Variants in NECAB2 observed in about 807,000 individuals in gnomAD.
The protein encoded by NECAB2 is N-terminal EF-hand calcium binding protein 2.
NECAB2 carries 68 observed loss-of-function variants against 51.9 expected under a neutral mutation model. That is an observed-to-expected ratio of 1.31 (90% CI 1.08 to 1.60). The LOEUF (loss-of-function observed/expected upper bound fraction) is 1.60, where lower values mean the gene tolerates loss of function less well. Ranked by LOEUF, NECAB2 falls within the 40% of genes most tolerant of loss-of-function variation. NECAB2 has a pLI of 0.00. For synonymous variants in NECAB2, 329 were observed against 203.5 expected, an observed-to-expected ratio of 1.62 and a Z score of -5.25; for missense variants, 854 against 490.3, an observed-to-expected ratio of 1.74 and a Z score of -7.00.
At chr16:83,975,334 G>A (rs2084396908) in intron 2 of NECAB2, among the ~76,000 whole-genome samples, 1 of 151,704 alleles carries the variant, frequency 6.6e-6, no homozygotes, top group Admixed American at 6.6e-5. Flanking sequence ...GTGGGTGCGG[G>A]GATGGGAACA....
At chr16:84,001,160 A>C (rs1567681651) in intron 11 of NECAB2, among the ~76,000 whole-genome samples, 1 of 152,096 alleles carries the variant, frequency 6.6e-6, no homozygotes, top group Non-Finnish European at 1.5e-5. Context: ...CCATGTGATC[A>C]ATTGTTCCAG....
chr16:83,975,701 G>T (rs1459356583), intron 2 of NECAB2, among the ~76,000 whole-genome samples: 1 of 152,150 alleles, frequency 6.6e-6, no homozygotes. Context: ...GTGGCAGAGG[G>T]CTGAGTGGCA....
chr16:83,978,194 G>C (rs1397729604), intron 2 of NECAB2, among the ~76,000 whole-genome samples: 2 of 152,232 alleles, frequency 1.3e-5, no homozygotes, highest in African/African-American at 4.8e-5. Flanking sequence ...CTGGGAATTA[G>C]CTGGATGAGG....
intron 5 of NECAB2, among the ~76,000 whole-genome samples, chr16:83,988,990 G>A (rs1180639367): frequency 6.6e-6 from 1 of 152,190 alleles, no homozygotes; most frequent in African/African-American, 2.4e-5. Flanking sequence ...AAAATAACTT[G>A]TCTTCTTTGG....
chr16:83,985,479 A>G (rs1416523041), intron 5 of NECAB2, among the ~76,000 whole-genome samples: 1 of 151,348 alleles, frequency 6.6e-6, no homozygotes, highest in African/African-American at 2.4e-5. Flanking sequence ...CTAAAAATAC[A>G]AAAATTAGCT....
At chr16:83,977,116 G>A (rs1345571712) in intron 2 of NECAB2, among the ~76,000 whole-genome samples, 1 of 152,204 alleles carries the variant, frequency 6.6e-6, no homozygotes, top group East Asian at 1.9e-4. Context: ...TAATCCATAG[G>A]AAGGTGCCAT....
At chr16:83,996,429 C>G (rs566678666) in intron 8 of NECAB2, among the ~76,000 whole-genome samples, 12 of 152,312 alleles carry the variant, frequency 7.9e-5, no homozygotes, top group African/African-American at 2.9e-4. Flanking sequence ...ACTACACAGA[C>G]TCATCCACCT....
intron 5 of NECAB2, among the ~76,000 whole-genome samples, chr16:83,989,131 T>C (rs984427547): frequency 1.3e-5 from 2 of 152,218 alleles, no homozygotes; most frequent in Non-Finnish European, 2.9e-5. Context: ...TGTTTAAATA[T>C]TTTACCAAGT....
chr16:83,998,504 G>A (rs924634151), intron 10 of NECAB2, among the ~76,000 whole-genome samples, 187 bp downstream of exon 10: 3 of 152,164 alleles, frequency 2.0e-5, no homozygotes, highest in African/African-American at 2.4e-5. Context: ...AAATGTGGCA[G>A]GTGTCTTCAT....
intron 5 of NECAB2, among the ~76,000 whole-genome samples, chr16:83,986,492 T>G (rs140000298): frequency 3.4e-4 from 52 of 152,010 alleles, no homozygotes; most frequent in African/African-American, 1.0e-3. Context: ...CTGTGGAGAG[T>G]GCCAGACAAA....
Position 83,992,727 on chromosome 16 carries a change from A to C in NECAB2, c.597-1575A>C, listed in dbSNP as rs558347597. 6.1e-4 allele frequency among the ~76,000 whole-genome samples: 93 copies of C among 152,292 alleles called. No individual in the cohort carries two copies. The South Asian group carries it at 0.019, about 31-fold the overall frequency. On this transcript the variant is annotated intron_variant, in intron 6 of 12. Transcript: ENST00000305202. ...GCGCTGAATCACCTGGGAAAATTAA[A>C]ATACACATTCCTGGGCTCCTGGCCA...
chr16:83,982,960 C>A (rs1249695855), intron 5 of NECAB2, among the ~76,000 whole-genome samples: 3 of 151,888 alleles, frequency 2.0e-5, no homozygotes, highest in African/African-American at 4.8e-5. Context: ...CCTCTGCCTC[C>A]TGGGTTTGAG....
rs955029761 is a variant in NECAB2 at position 83,998,305 on chromosome 16, G to A, written c.950G>A (p.Arg317Lys). The change falls in exon 10 of 13, where the codon AGG becomes AAG. Residue 317 changes from arginine (R) to lysine (K), a missense_variant. Arg to Lys is a conservative substitution (Grantham distance 26). Coordinates refer to ENST00000305202, the MANE Select transcript of NECAB2 (RefSeq NM_019065.3). ...RQYLRGTTGV[R>K]NCFHITAVRL... Reference sequence around the variant, plus strand: ...TATCTGCGGGGGACCACTGGCGTGAGGAACTGCTTCCAGTGAGTGAGCTGC... The same window carrying A: ...TATCTGCGGGGGACCACTGGCGTGAAGAACTGCTTCCAGTGAGTGAGCTGC... 1.2e-6 allele frequency: 2 copies of A among 1,613,494 alleles called. No individual in the cohort carries two copies. The highest frequency in any genetic ancestry group is 3.3e-5 in the Admixed American group (2 of 60,000).
Position 84,001,837 on chromosome 16 carries a change from C to A in NECAB2, c.1053C>A (p.Ser351Arg). The stretch of plus-strand genomic sequence containing the variant: ...CCCTGCGTCACAGGCACCTGCAGAG[C>A]CCCCTGTGTAAGGCGTTCCGGCACG... ...TEEAWKRHLQSPLCKAFRHVK... is the reference protein window; with the variant it reads ...TEEAWKRHLQRPLCKAFRHVK... Residue 351 changes from serine to arginine, a missense_variant, in exon 12 of 13, where the codon AGC becomes AGA. Physicochemically the swap from Ser to Arg is moderately radical, Grantham distance 110. Transcript: ENST00000305202. The A allele has an allele frequency of 6.2e-7, 1 of 1,614,074 alleles. No homozygotes were observed. The highest frequency in any genetic ancestry group is 8.5e-7 in the Non-Finnish European group (1 of 1,179,938).
Position 83,978,636 on chromosome 16 carries a change from C to T in NECAB2, c.335+84C>T, listed in dbSNP as rs527762764. ...TTTTCATCTAGTGTCCGTTCCTAGTCCCCTGTAAGGGGCAGGAGAACTGAA... is the reference window on the plus strand; with the variant it reads ...TTTTCATCTAGTGTCCGTTCCTAGTTCCCTGTAAGGGGCAGGAGAACTGAA... On this transcript the variant is annotated intron_variant, in intron 3 of 12. Coordinates refer to ENST00000305202, the MANE Select transcript of NECAB2 (RefSeq NM_019065.3). The T allele has an allele frequency of 4.9e-5, 59 of 1,203,764 alleles. No individual in the cohort carries two copies. In the African/African-American group the frequency reaches 7.6e-4, roughly 15 times the overall value. The allele number at this position is 1,203,764 out of a possible 1,614,324, so 74.6% of individuals were successfully genotyped here. A position where few individuals can be genotyped will look rare whatever the true frequency, so the allele number is the denominator to read the frequency against.
At position 83,998,228 on chromosome 16, in the gene NECAB2, G is replaced by A. The variant is rs199754271; in HGVS notation, c.873G>A (p.Glu291=). Residue 291 remains glutamate (E), a synonymous_variant, in exon 10 of 13, where the codon GAG becomes GAA. Coordinates refer to ENST00000305202, the MANE Select transcript of NECAB2 (RefSeq NM_019065.3). ...TNMHLQLVRQ[E]MAVCPEQLSE... ...AGCACCTGCAGCTGGTCCGGCAGGA[G>A]ATGGCCGTGTGCCCCGAGCAACTGA... is the stretch of plus-strand genomic sequence containing the variant. The A allele has an allele frequency of 3.0e-5, 48 of 1,611,464 alleles. No individual in the cohort carries two copies. The African/African-American group carries it at 6.0e-4, about 20-fold the overall frequency.
chr16:83,994,921 G>C (rs1484180674), intron 8 of NECAB2, among the ~76,000 whole-genome samples: 1 of 152,174 alleles, frequency 6.6e-6, no homozygotes, highest in Non-Finnish European at 1.5e-5. Context: ...GAGTGTTGGG[G>C]GGTCAGGCGG....
chr16:83,983,220 G>A (rs8052925), intron 5 of NECAB2, among the ~76,000 whole-genome samples: 10,803 of 152,188 alleles, frequency 0.071, 1,127 homozygotes, highest in African/African-American at 0.23. Context: ...GCAGCTTGTC[G>A]GTTGTTGTTT....
chr16:83,994,356 C>A lies in NECAB2; in HGVS notation c.651C>A (p.Pro217=). ...HSAAQTWCGS[P]TPASAPNHKL... is the part of the protein sequence containing the mutation. The stretch of plus-strand genomic sequence containing the variant: ...CGGCACAGACCTGGTGTGGAAGCCC[C>A]ACTCCCGCCTCTGCCCCCAACCACA... The change falls in exon 7 of 13, where the codon CCC becomes CCA. Residue 217 remains proline, a synonymous_variant. Coordinates refer to ENST00000305202, the MANE Select transcript of NECAB2 (RefSeq NM_019065.3). 6.2e-7 allele frequency: 1 copy of A among 1,614,154 alleles called. No individual in the cohort carries two copies. The highest frequency in any genetic ancestry group is 8.5e-7 in the Non-Finnish European group (1 of 1,180,032).
Sources: gnomAD v4.1 joint callset for allele counts (sites outside exome capture counted in the v4.1 genomes callset) on GRCh38, gnomAD v4.1.1 for gene constraint, MANE v1.5 for transcripts, NCBI Gene and HGNC (gene_info 2026-07-23, HGNC 2026-07-21) for gene names.